Variants in CTDP1 observed in about 807,000 individuals in gnomAD.
The protein encoded by CTDP1 is CTD phosphatase 1.
In CTDP1, 47 loss-of-function variants were observed where a neutral mutation model predicts 91.8. That is an observed-to-expected ratio of 0.51 (90% CI 0.41 to 0.65). The LOEUF (loss-of-function observed/expected upper bound fraction) is 0.65. Ranked by LOEUF, CTDP1 falls within the 30% of genes least tolerant of loss-of-function variation. The pLI is 0.00. For missense variants in CTDP1, 1,272 were observed against 1,373.7 expected (o/e 0.93, Z 1.17); for synonymous variants, 656 against 598.5 (o/e 1.10, Z -1.40).
At chr18:79,706,787 G>C (rs2085976182) in intron 5 of CTDP1, among the ~76,000 whole-genome samples, 1 of 152,246 alleles carries the variant, frequency 6.6e-6, no homozygotes, top group Non-Finnish European at 1.5e-5. Flanking sequence ...CCCCAGGACT[G>C]TGAGGACTGC....
At chr18:79,705,026 G>A in intron 5 of CTDP1, 109 bp downstream of exon 5, 1 of 1,530,920 alleles carries the variant, frequency 6.5e-7, no homozygotes, top group Non-Finnish European at 8.9e-7. Flanking sequence ...CTGCAACTCA[G>A]TTGTAGTCTT....
At chr18:79,747,552 T>C (rs1222858059) in intron 12 of CTDP1, among the ~76,000 whole-genome samples, 2 of 152,216 alleles carry the variant, frequency 1.3e-5, no homozygotes, top group African/African-American at 4.8e-5. Context: ...TGACGTCATC[T>C]GGTGGGTTCC....
chr18:79,697,179 C>T (rs1038518085), intron 3 of CTDP1, among the ~76,000 whole-genome samples: 15 of 152,228 alleles, frequency 9.9e-5, no homozygotes, highest in African/African-American at 2.2e-4. Context: ...CCAGCCCTTC[C>T]GTGCGTTTCC....
downstream of CTDP1, chr18:79,755,270 G>A (rs2087078283): frequency 6.6e-6 from 1 of 152,148 alleles, no homozygotes; most frequent in Non-Finnish European, 1.5e-5. Flanking sequence ...CGAGTGAAGA[G>A]GCAGCTTCAC....
intron 10 of CTDP1, among the ~76,000 whole-genome samples, chr18:79,722,116 T>C (rs1417080534): frequency 1.3e-5 from 2 of 152,222 alleles, no homozygotes; most frequent in African/African-American, 4.8e-5. Context: ...GTTTTAATAA[T>C]TCAGCCTTGC....
intron 11 of CTDP1, among the ~76,000 whole-genome samples, chr18:79,735,415 C>T (rs1441730672): frequency 6.6e-6 from 1 of 152,240 alleles, no homozygotes; most frequent in East Asian, 1.9e-4. Flanking sequence ...GAGCTGTGAG[C>T]GGGGCCGTGC....
intron 12 of CTDP1, among the ~76,000 whole-genome samples, chr18:79,750,589 GTTCAAACAATTCTCGTGCCCCGGC>G (rs2086976521): frequency 6.6e-6 from 1 of 150,888 alleles, no homozygotes; most frequent in African/African-American, 2.4e-5. Flanking sequence ...CGCCTCCCGG[GTTCAAACAATTCTCGTGCCCCGGC>G]TTCCCGAGTA....
chr18:79,737,602 A>AC (rs2086693353), intron 12 of CTDP1, among the ~76,000 whole-genome samples: 1 of 151,920 alleles, frequency 6.6e-6, no homozygotes, highest in Admixed American at 6.6e-5. Context: ...ACAGGCATGA[A>AC]ACCCAGGGTG....
At chr18:79,729,915 A>C (rs538525016) in intron 11 of CTDP1, among the ~76,000 whole-genome samples, 3 of 152,270 alleles carry the variant, frequency 2.0e-5, no homozygotes, top group African/African-American at 7.2e-5. Flanking sequence ...ACCAGAGCCT[A>C]TCCTCCCTGC....
intron 5 of CTDP1, among the ~76,000 whole-genome samples, chr18:79,706,763 G>A (rs572512026): frequency 3.9e-5 from 6 of 152,348 alleles, no homozygotes; most frequent in Admixed American, 3.9e-4. Context: ...TTCGGTGAGG[G>A]AGTGGTTCCT....
chr18:79,713,480 T>C lies in CTDP1; in HGVS notation c.1030+342T>C, dbSNP rs1440516636. Among the ~76,000 whole-genome samples, 1 of 151,690 alleles carries C rather than the reference T, an allele frequency of 6.6e-6. No individual in the cohort carries two copies. The highest frequency in any genetic ancestry group is 1.5e-5 in the Non-Finnish European group (1 of 67,938). On this transcript the variant is annotated intron_variant, in intron 7 of 12. Transcript: ENST00000613122. The surrounding 1 kb of genome is among the most constrained non-coding windows in gnomAD (Gnocchi z 4.7). The stretch of plus-strand genomic sequence containing the variant: ...GGGCCATAGTGTTCTGTAGAGAGAG[T>C]GAATGTGGGGGCGGTGGCTCTGCGG...
intron 6 of CTDP1, among the ~76,000 whole-genome samples, chr18:79,712,210 G>GGACA: frequency 6.6e-6 from 1 of 152,360 alleles, no homozygotes; most frequent in East Asian, 1.9e-4. Flanking sequence ...ATAGGCCCCA[G>GGACA]TGGTGGGTAC....
Position 79,716,284 on chromosome 18 carries a change from G to T in CTDP1, c.2068+756G>T, listed in dbSNP as rs1159971263. On this transcript the variant is annotated intron_variant, in intron 8 of 12. Coordinates refer to ENST00000613122, the MANE Select transcript of CTDP1 (RefSeq NM_004715.5). ...CCGGGGCTCAGGAAAGCCTTGTGGG[G>T]TGAGCTCATCCCTGTCCACGCACGC... Among the ~76,000 whole-genome samples the T allele has an allele frequency of 2.0e-5, 3 of 152,176 alleles. No individual in the cohort carries two copies. In the East Asian group the frequency reaches 5.8e-4, roughly 29 times the overall value.
chr18:79,698,709 A>T (rs1043065765), intron 4 of CTDP1, among the ~76,000 whole-genome samples: 2 of 152,174 alleles, frequency 1.3e-5, no homozygotes, highest in Non-Finnish European at 2.9e-5. Context: ...ATTGAACAGT[A>T]TGTGGACTCT....
At chr18:79,736,841 TGA>T (rs1227651664) in intron 12 of CTDP1, among the ~76,000 whole-genome samples, 6 of 146,564 alleles carry the variant, frequency 4.1e-5, no homozygotes, top group African/African-American at 1.3e-4. Context: ...CAGGCATGTG[TGA>T]GGTGTCTACA....
intron 10 of CTDP1, among the ~76,000 whole-genome samples, chr18:79,721,185 T>G (rs897214981): frequency 6.6e-6 from 1 of 152,200 alleles, no homozygotes; most frequent in African/African-American, 2.4e-5. Flanking sequence ...ACCACTGCGG[T>G]GATCCCAGGG....
intron 1 of CTDP1, among the ~76,000 whole-genome samples, chr18:79,693,207 G>A (rs116483526): frequency 0.019 from 2,868 of 152,260 alleles, 99 homozygotes; most frequent in African/African-American, 0.065. Context: ...CAGGTGTGGT[G>A]ACCGGGAGGG....
intron 11 of CTDP1, among the ~76,000 whole-genome samples, chr18:79,734,483 G>T (rs1427478433): frequency 6.6e-6 from 1 of 152,230 alleles, no homozygotes; most frequent in Non-Finnish European, 1.5e-5. Context: ...TGTGCAAAAC[G>T]TACCTCCAGA....
At chr18:79,725,885 T>C (rs1024462929) in intron 10 of CTDP1, among the ~76,000 whole-genome samples, 2 of 152,230 alleles carry the variant, frequency 1.3e-5, no homozygotes, top group Admixed American at 1.3e-4. Context: ...AGTGATCTTC[T>C]GTCTTTGACC....
Sources: allele counts gnomAD v4.1 joint callset (sites outside exome capture counted in the v4.1 genomes callset), GRCh38; gene constraint gnomAD v4.1.1; non-coding constraint Gnocchi (gnomAD v3.1); transcripts MANE v1.5; gene names NCBI Gene and HGNC (gene_info 2026-07-23, HGNC 2026-07-21).